Variants in CDC42BPB observed in about 807,000 individuals in gnomAD.
CDC42BPB encodes the protein serine/threonine-protein kinase MRCK beta.
In CDC42BPB, 37 loss-of-function variants were observed where a neutral mutation model predicts 214.9. The observed-to-expected ratio is 0.17, with a 90% CI of 0.13 to 0.23. The LOEUF (loss-of-function observed/expected upper bound fraction) is 0.23, where lower values mean the gene tolerates loss of function less well. Ranked by LOEUF, CDC42BPB falls within the 10% of genes least tolerant of loss-of-function variation. The probability of loss-of-function intolerance (pLI) is 1.00; values close to 1 mark genes in which losing one functional copy is unlikely to be tolerated. For missense variants in CDC42BPB, 1,694 were observed against 2,227.0 expected, an observed-to-expected ratio of 0.76 and a Z score of 4.82; for synonymous variants, 931 against 884.0, an observed-to-expected ratio of 1.05 and a Z score of -0.94.
Position 103,038,028 on chromosome 14 carries a change from C to CA in CDC42BPB, c.175+18970dup, listed in dbSNP as rs59999600. ...TGGGCAACAGAGCAAGACTCCGTCT[C>CA]AAAAAAAAAAAAGAATTTTAAAAAC... is the stretch of plus-strand genomic sequence containing the variant. On this transcript the variant is annotated intron_variant, in intron 1 of 36. Transcript: ENST00000361246. 1.8e-3 allele frequency among the ~76,000 whole-genome samples: 213 copies of CA among 118,676 alleles called. 1 individual carries two copies. The highest frequency in any genetic ancestry group is 2.4e-3 in the Admixed American group (25 of 10,598). The allele number at this position is 118,676 out of a possible 152,430, so 77.9% of individuals were successfully genotyped here. A position where few individuals can be genotyped will look rare whatever the true frequency, so the allele number is the denominator to read the frequency against.
At chr14:103,054,854 T>G (rs986263434) in intron 1 of CDC42BPB, among the ~76,000 whole-genome samples, 1 of 152,254 alleles carries the variant, frequency 6.6e-6, no homozygotes. Context: ...AGGCCAGATC[T>G]CATAAAATAT....
In CDC42BPB at chr14:103,007,768, G is replaced by A. The variant is rs541747204; in HGVS notation, c.351+704C>T. On this transcript the variant is annotated intron_variant, in intron 3 of 36. Transcript: ENST00000361246. ...GGCGGGAGTCACGGGAGAGGATGGA[G>A]CATGATGGACGGAGCAGATCTGAAG... 3.4e-5 allele frequency among the ~76,000 whole-genome samples: 5 copies of A among 148,768 alleles called. No individual in the cohort carries two copies. In the South Asian group the frequency reaches 1.1e-3, roughly 32 times the overall value.
intron 19 of CDC42BPB, 81 bp downstream of exon 19, chr14:102,964,421 T>C (rs1386138800): frequency 6.6e-7 from 1 of 1,517,064 alleles, no homozygotes; most frequent in African/African-American, 1.4e-5. Flanking sequence ...GCGAGGAGCA[T>C]CGGAGCCCGT....
chr14:103,057,269 C>A lies in CDC42BPB; in HGVS notation c.-96G>T. 1 of 1,153,432 alleles carries A rather than the reference C, an allele frequency of 8.7e-7. No individual in the cohort carries two copies. The highest frequency in any genetic ancestry group is 1.1e-6 in the Non-Finnish European group (1 of 938,394). 71.4% of individuals were successfully genotyped at this position (1,153,432 alleles called of 1,614,324 possible). A position where few individuals can be genotyped will look rare whatever the true frequency, so the allele number is the denominator to read the frequency against. On this transcript the variant is annotated 5_prime_UTR_variant, in exon 1 of 37. Coordinates refer to ENST00000361246, the MANE Select transcript of CDC42BPB (RefSeq NM_006035.4). ...CTCGGGGGCTCGGCGGCTGCGAGCC[C>A]CGGCAGCAGCGGCGCCTCCTCGCCG...
At chr14:103,015,526 C>G (rs914542864) in intron 1 of CDC42BPB, among the ~76,000 whole-genome samples, 2 of 152,132 alleles carry the variant, frequency 1.3e-5, no homozygotes, top group Middle Eastern at 3.2e-3. Context: ...ACCGCATTAG[C>G]TACAACTAGA....
At chr14:103,046,536 A>G (rs901553929) in intron 1 of CDC42BPB, among the ~76,000 whole-genome samples, 6 of 152,268 alleles carry the variant, frequency 3.9e-5, no homozygotes, top group African/African-American at 1.2e-4. Flanking sequence ...GCAAAGGGAA[A>G]GAAACATCTA....
chr14:102,965,032 T>C (rs1893134895), intron 18 of CDC42BPB, among the ~76,000 whole-genome samples: 1 of 152,112 alleles, frequency 6.6e-6, no homozygotes, highest in Admixed American at 6.5e-5. Flanking sequence ...TTCAAGCGAT[T>C]TTCCTGTCTC....
At chr14:102,965,490 C>T (rs1468118141) in intron 18 of CDC42BPB, among the ~76,000 whole-genome samples, 1 of 152,014 alleles carries the variant, frequency 6.6e-6, no homozygotes, top group African/African-American at 2.4e-5. Flanking sequence ...TAACATCATC[C>T]TCCTGTTTTC....
chr14:103,020,695 C>G (rs559867920), intron 1 of CDC42BPB, among the ~76,000 whole-genome samples: 72 of 152,336 alleles, frequency 4.7e-4, no homozygotes, highest in African/African-American at 1.7e-3. Flanking sequence ...GGGCGTGTGC[C>G]AGGAGTCAGC....
intron 1 of CDC42BPB, among the ~76,000 whole-genome samples, chr14:103,029,795 G>T (rs1887257349): frequency 2.1e-5 from 3 of 141,998 alleles, no homozygotes; most frequent in Non-Finnish European, 4.5e-5. Flanking sequence ...GGAGGCGGAG[G>T]TTGCAGTGAG....
At chr14:102,972,349 G>A (rs1893514030) in intron 12 of CDC42BPB, 188 bp from the exon 13 acceptor site, 1 of 985,244 alleles carries the variant, frequency 1.0e-6, no homozygotes, top group Non-Finnish European at 1.2e-6. Flanking sequence ...CAGGCAATGG[G>A]AAGGCCGCCT....
intron 5 of CDC42BPB, among the ~76,000 whole-genome samples, chr14:102,993,985 T>C (rs1376919331): frequency 6.6e-6 from 1 of 152,148 alleles, no homozygotes; most frequent in Admixed American, 6.5e-5. Context: ...AATGATTATA[T>C]AGGAAAATGT....
At position 102,939,811 on chromosome 14, in the gene CDC42BPB, C is replaced by T. The variant is rs188937393; in HGVS notation, c.4709+19G>A. On this transcript the variant is annotated intron_variant, in intron 33 of 36. Transcript: ENST00000361246. The stretch of plus-strand genomic sequence containing the variant: ...CCCTAGAGCGAGGCCCAGCAGGCCC[C>T]GTGAGGCCCCGCTCCTACCGCCTCT... 3.8e-4 allele frequency: 619 copies of T among 1,614,038 alleles called. 3 individuals carry two copies. In the East Asian group the frequency reaches 0.011, roughly 29 times the overall value.
Position 103,018,430 on chromosome 14 carries a change from A to C in CDC42BPB, c.176-6242T>G, listed in dbSNP as rs187338500. 3.3e-5 allele frequency among the ~76,000 whole-genome samples: 5 copies of C among 152,286 alleles called. No homozygotes were observed. The East Asian group carries it at 9.6e-4, about 29-fold the overall frequency. ...GGAAAACTTAGAGGGGCAAGGAGGG[A>C]GGGCCCACTGGATACAGCCACCACC... is the stretch of plus-strand genomic sequence containing the variant. On this transcript the variant is annotated intron_variant, in intron 1 of 36. Coordinates refer to ENST00000361246, the MANE Select transcript of CDC42BPB (RefSeq NM_006035.4).
chr14:103,020,497 G>A (rs886384472), intron 1 of CDC42BPB, among the ~76,000 whole-genome samples: 15 of 152,226 alleles, frequency 9.9e-5, no homozygotes, highest in African/African-American at 2.9e-4. Context: ...CAAGACCTAC[G>A]CGGAGGCCGA....
intron 29 of CDC42BPB, chr14:102,945,085 G>A (rs1470303848): frequency 8.4e-6 from 3 of 355,900 alleles, no homozygotes; most frequent in Admixed American, 3.5e-5. Flanking sequence ...GCCAGGGTAC[G>A]GCCTCGCCCA....
At chr14:102,966,488 A>C (rs181805565) in intron 17 of CDC42BPB, 101 bp from the exon 18 acceptor site, 261 of 1,531,338 alleles carry the variant, frequency 1.7e-4, no homozygotes, top group Non-Finnish European at 8.0e-6. Flanking sequence ...ACAGTGACAC[A>C]GTGTCACGTC....
chr14:103,056,902 G>A (rs1262068316), intron 1 of CDC42BPB, 97 bp downstream of exon 1: 6 of 865,970 alleles, frequency 6.9e-6, no homozygotes, highest in Admixed American at 8.5e-5. Flanking sequence ...GAGGGCGGCA[G>A]GGTCTGTCCG....
In CDC42BPB at chr14:102,981,306, G is replaced by A. The variant is rs376471853; in HGVS notation, c.892-285C>T. 9.6e-5 allele frequency: 48 copies of A among 499,516 alleles called. No homozygotes were observed. The South Asian group carries it at 3.6e-3, about 38-fold the overall frequency. 30.9% of individuals were successfully genotyped at this position (499,516 alleles called of 1,614,324 possible). On this transcript the variant is annotated intron_variant, in intron 7 of 36. Transcript: ENST00000361246. Reference sequence around the variant, plus strand: ...AATGTGGGAAACATGCCGTGCGCGGGAAGAGGGACAGGCGCAGCCCCGTCA... The same window carrying A: ...AATGTGGGAAACATGCCGTGCGCGGAAAGAGGGACAGGCGCAGCCCCGTCA...
Sources: allele counts gnomAD v4.1 joint callset (sites outside exome capture counted in the v4.1 genomes callset), GRCh38; gene constraint gnomAD v4.1.1; transcripts MANE v1.5; gene names NCBI Gene and HGNC (gene_info 2026-07-23, HGNC 2026-07-21).